CBLC: variants seen among roughly 807,000 people sequenced by gnomAD.
The protein encoded by CBLC is Cbl proto-oncogene C, also known as E3 ubiquitin-protein ligase CBL-C.
CBLC carries 46 observed loss-of-function variants against 58.6 expected under a neutral mutation model. That is an observed-to-expected ratio of 0.79 (90% CI 0.62 to 1.00). The LOEUF (loss-of-function observed/expected upper bound fraction) is 1.00. CBLC is among the 50% of genes least tolerant of loss of function. CBLC has a pLI of 0.00. For synonymous variants in CBLC, 271 were observed against 264.2 expected, an observed-to-expected ratio of 1.03 and a Z score of -0.25; for missense variants, 655 against 625.8, an observed-to-expected ratio of 1.05 and a Z score of -0.50.
chr19:44,791,541 T>C (rs1968049730), intron 6 of CBLC, among the ~76,000 whole-genome samples: 1 of 151,982 alleles, frequency 6.6e-6, no homozygotes, highest in Non-Finnish European at 1.5e-5. Context: ...GAGACTAGCA[T>C]GGCCAACATG....
Position 44,800,467 on chromosome 19 carries a change from AC to A in CBLC, c.*7+20del, listed in dbSNP as rs752951359. 3 of 1,567,910 alleles carry A rather than the reference AC, an allele frequency of 1.9e-6. No homozygotes were observed. The highest frequency in any genetic ancestry group is 2.6e-6 in the Non-Finnish European group (3 of 1,140,630). On this transcript the variant is annotated intron_variant, in intron 10 of 10. Coordinates refer to ENST00000647358, the MANE Select transcript of CBLC (RefSeq NM_012116.4). ...GAAGGCCAGGTGAGTCCATTCCCTAACCCTCCCTGGCCCACTCCACCCCACT... is the reference window on the plus strand; with the variant it reads ...GAAGGCCAGGTGAGTCCATTCCCTAACCTCCCTGGCCCACTCCACCCCACT...
At chr19:44,795,332 A>G (rs1225742162) in intron 9 of CBLC, among the ~76,000 whole-genome samples, 2 of 151,822 alleles carry the variant, frequency 1.3e-5, no homozygotes, top group African/African-American at 2.4e-5. Flanking sequence ...CCTGGGCAAC[A>G]TCACAAGACC....
intron 9 of CBLC, among the ~76,000 whole-genome samples, chr19:44,794,545 A>C (rs1599873264): frequency 1.4e-5 from 2 of 141,450 alleles, no homozygotes. Context: ...GCTCACTGCA[A>C]CCTCCACCTC....
chr19:44,796,943 G>A (rs997838360), intron 9 of CBLC, among the ~76,000 whole-genome samples: 9 of 152,178 alleles, frequency 5.9e-5, no homozygotes, highest in African/African-American at 2.2e-4. Flanking sequence ...ACCAGCCAGG[G>A]AAGCTAAAAA....
chr19:44,785,393 A>G (rs1051647290), intron 5 of CBLC, among the ~76,000 whole-genome samples: 5 of 151,962 alleles, frequency 3.3e-5, no homozygotes, highest in Admixed American at 2.6e-4. Context: ...GGTGTGAGCC[A>G]CTGTGCCCGG....
chr19:44,790,118 C>G (rs375528398), intron 6 of CBLC, 27 bp downstream of exon 6: 14 of 1,573,790 alleles, frequency 8.9e-6, no homozygotes, highest in African/African-American at 2.7e-5. Context: ...CACCCGCAGT[C>G]CCAGTTCCCT....
chr19:44,782,544 C>A (rs1967778950), intron 4 of CBLC, 53 bp downstream of exon 4: 1 of 1,498,856 alleles, frequency 6.7e-7, no homozygotes, highest in South Asian at 1.1e-5. Flanking sequence ...GGGATCTGGG[C>A]TCTGGGCTGG....
chr19:44,799,871 AAG>A (rs1379780850), intron 9 of CBLC, among the ~76,000 whole-genome samples: 2 of 151,702 alleles, frequency 1.3e-5, no homozygotes, highest in South Asian at 2.1e-4. Flanking sequence ...AGAAAAAAGA[AAG>A]AGAAAAGGAA....
chr19:44,790,194 T>C (rs1968011455), intron 6 of CBLC, 103 bp downstream of exon 6: 1 of 857,558 alleles, frequency 1.2e-6, no homozygotes, highest in East Asian at 2.5e-5. Context: ...TTGGTGGCTC[T>C]GTGACCTTGG....
rs1454998559 is a variant in CBLC at position 44,800,641 on chromosome 19, G to A, written c.*98G>A. ...CTGCCAAGCCTGGTCTGTCCTCCAG[G>A]GTGCAAAGGAAGAGTGCAGTGGCCA... On this transcript the variant is annotated 3_prime_UTR_variant, in exon 11 of 11. Coordinates refer to ENST00000647358, the MANE Select transcript of CBLC (RefSeq NM_012116.4). 1.9e-6 allele frequency: 1 copy of A among 535,936 alleles called. No homozygotes were observed. The highest frequency in any genetic ancestry group is 2.6e-5 in the South Asian group (1 of 38,304). 33.2% of individuals were successfully genotyped at this position (535,936 alleles called of 1,614,324 possible).
In CBLC at chr19:44,778,249, C is replaced by T; in HGVS notation, c.318C>T (p.Ala106=). The change falls in exon 1 of 11, where the codon GCC becomes GCT. Residue 106 remains alanine (A), a synonymous_variant. Coordinates refer to ENST00000647358, the MANE Select transcript of CBLC (RefSeq NM_012116.4). The part of the protein sequence containing the change: ...ALLPPRGRRS[A]NDELFRAGSR... ...TGCCTCCCCGGGGCCGAAGGAGTGC[C>T]AACGACGAGCTCTTCCGGGCGGGCT... 6.9e-7 allele frequency: 1 copy of T among 1,450,538 alleles called. No individual in the cohort carries two copies. Among genetic ancestry groups the T allele is most frequent in the East Asian group, 2.6e-5 (1 of 38,672 alleles). 89.9% of individuals were successfully genotyped at this position (1,450,538 alleles called of 1,614,324 possible).
chr19:44,784,948 G>GTT (rs1555779690), intron 5 of CBLC, among the ~76,000 whole-genome samples: 4 of 69,068 alleles, frequency 5.8e-5, no homozygotes, highest in Non-Finnish European at 1.1e-4. Context: ...TGCTAGACAG[G>GTT]TGTTTTTTTT....
chr19:44,778,135 C>G lies in CBLC; in HGVS notation c.204C>G (p.Gly68=). ...VAHSRRAAGG[G]GPGGPGGSGD... ...ATTCTCGGCGGGCGGCCGGCGGAGG[C>G]GGCCCCGGGGGTCCCGGCGGCTCTG... is the stretch of plus-strand genomic sequence containing the variant. Residue 68 remains glycine, a synonymous_variant, in exon 1 of 11, where the codon GGC becomes GGG. Transcript: ENST00000647358. 1 of 1,593,824 alleles carries G rather than the reference C, an allele frequency of 6.3e-7. No individual in the cohort carries two copies. Among genetic ancestry groups the G allele is most frequent in the Non-Finnish European group, 8.5e-7 (1 of 1,173,542 alleles).
chr19:44,785,105 G>A (rs1053743888), intron 5 of CBLC, among the ~76,000 whole-genome samples: 22 of 151,050 alleles, frequency 1.5e-4, no homozygotes, highest in African/African-American at 5.4e-4. Context: ...CTGAGTAGGT[G>A]GGATTACAGG....
chr19:44,783,095 G>A (rs547960223), intron 4 of CBLC, among the ~76,000 whole-genome samples: 6 of 152,298 alleles, frequency 3.9e-5, no homozygotes, highest in South Asian at 4.1e-4. Context: ...GCCAGGCCCC[G>A]CACAGTGGCT....
In CBLC at chr19:44,793,542, C is replaced by G. The variant is rs1167660429; in HGVS notation, c.1206C>G (p.Tyr402Ter). Residue 402 changes from tyrosine (Y) to a stop codon, truncating the protein, a stop_gained, in exon 8 of 11, where the codon TAC becomes TAG. Coordinates refer to ENST00000647358, the MANE Select transcript of CBLC (RefSeq NM_012116.4). LOFTEE classifies it high-confidence loss of function. ...AGGGCTGGGAGGCCGTGAGTATCTACCAGTTCCACGGTCAGGCTACTGCTG... is the reference window on the plus strand; with the variant it reads ...AGGGCTGGGAGGCCGTGAGTATCTAGCAGTTCCACGGTCAGGCTACTGCTG... ...EIKGWEAVSI[Y>*]QFHGQATAED... 2.0e-5 allele frequency: 32 copies of G among 1,612,582 alleles called. No homozygotes were observed. The highest frequency in any genetic ancestry group is 2.6e-5 in the Non-Finnish European group (31 of 1,179,618).
intron 1 of CBLC, 96 bp from the exon 2 acceptor site, chr19:44,780,809 C>A: frequency 7.7e-7 from 1 of 1,306,618 alleles, no homozygotes; most frequent in Non-Finnish European, 1.1e-6. Context: ...GAGATAGAGT[C>A]CAGAGCCTTA....
Position 44,778,104 on chromosome 19 carries a change from T to C in CBLC, c.173T>C (p.Val58Ala), listed in dbSNP as rs572115097. ...LPRTAQLLRE[V>A]AHSRRAAGGG... is the part of the protein sequence containing the mutation. ...CGCACAGCGCAGCTGCTTCGAGAGG[T>C]GGCCCATTCTCGGCGGGCGGCCGGC... is the stretch of plus-strand genomic sequence containing the variant. Residue 58 changes from valine (V) to alanine (A), a missense_variant, in exon 1 of 11, where the codon GTG becomes GCG. Val to Ala is a moderately conservative substitution (Grantham distance 64). Around this residue, in one of 3 missense-constraint regions of CBLC, gnomAD observed 280 missense variants for 237.2 expected, o/e 1.18. Transcript: ENST00000647358. 6.2e-7 allele frequency: 1 copy of C among 1,603,220 alleles called. No homozygotes were observed. The highest frequency in any genetic ancestry group is 2.2e-5 in the East Asian group (1 of 44,582).
Position 44,777,916 on chromosome 19 carries a change from C to A in CBLC, c.-16C>A, listed in dbSNP as rs778239531. The A allele has an allele frequency of 8.4e-6, 13 of 1,544,206 alleles. No individual in the cohort carries two copies. Among genetic ancestry groups the A allele is most frequent in the South Asian group, 2.4e-5 (2 of 83,626 alleles). ...TCCCAGCCGCACCGGTCCTTCCCGGCACACGCGAGGCTCCCATGGCTCTGG... is the reference window on the plus strand; with the variant it reads ...TCCCAGCCGCACCGGTCCTTCCCGGAACACGCGAGGCTCCCATGGCTCTGG... On this transcript the variant is annotated 5_prime_UTR_variant, in exon 1 of 11. Coordinates refer to ENST00000647358, the MANE Select transcript of CBLC (RefSeq NM_012116.4).
Sources: allele counts gnomAD v4.1 joint callset (sites outside exome capture counted in the v4.1 genomes callset), GRCh38; gene constraint gnomAD v4.1.1; regional missense constraint gnomAD v4.1.1; transcripts MANE v1.5; gene names NCBI Gene and HGNC (gene_info 2026-07-23, HGNC 2026-07-21).